Variants in RABGAP1L observed in about 807,000 individuals in gnomAD.
RABGAP1L encodes the protein rab GTPase-activating protein 1-like.
In RABGAP1L, 63 loss-of-function variants were observed where a neutral mutation model predicts 137.7. The observed-to-expected ratio is 0.46, with a 90% CI of 0.37 to 0.56. RABGAP1L has a LOEUF of 0.56. Ranked by LOEUF, RABGAP1L falls within the 20% of genes least tolerant of loss-of-function variation. The pLI is 0.00. For missense variants in RABGAP1L, 1,095 were observed against 1,244.0 expected (o/e 0.88, Z 1.80); for synonymous variants, 431 against 433.7 (o/e 0.99, Z 0.08).
intron 12 of RABGAP1L, among the ~76,000 whole-genome samples, chr1:174,384,898 CTT>C (rs1450473407): frequency 6.6e-6 from 1 of 152,024 alleles, no homozygotes; most frequent in Admixed American, 6.5e-5. Context: ...ATTATCTTGT[CTT>C]ATATAGTGTT....
chr1:174,200,463 C>T (rs1668017309), intron 1 of RABGAP1L, among the ~76,000 whole-genome samples: 1 of 152,152 alleles, frequency 6.6e-6, no homozygotes, highest in African/African-American at 2.4e-5. Context: ...AGAGGGATGG[C>T]TCCTAGAAAA....
chr1:174,881,197 A>G (rs1397552113), intron 19 of RABGAP1L, among the ~76,000 whole-genome samples: 4 of 152,180 alleles, frequency 2.6e-5, no homozygotes, highest in African/African-American at 9.7e-5. Flanking sequence ...ATTATGGCTC[A>G]ATGCAACCCT....
rs1282387677 is a variant in RABGAP1L, at chr1:174,304,973, A to G, written c.1324-13A>G. 3.3e-6 allele frequency: 5 copies of G among 1,525,502 alleles called. No homozygotes were observed. In the African/African-American group the frequency reaches 7.2e-5, roughly 22 times the overall value. 94.5% of individuals were successfully genotyped at this position (1,525,502 alleles called of 1,614,324 possible). A position where few individuals can be genotyped will look rare whatever the true frequency, so the allele number is the denominator to read the frequency against. On this transcript the variant is annotated splice_polypyrimidine_tract_variant and intron_variant, in intron 10 of 25. Transcript: ENST00000681986. ...ATTTCTAATACTTAAATATACTGTT[A>G]TATTTTTCTCAGTCTGAGGGAAAAG...
chr1:174,202,616 A>T (rs1452671675), intron 1 of RABGAP1L, among the ~76,000 whole-genome samples: 1 of 152,056 alleles, frequency 6.6e-6, no homozygotes, highest in Non-Finnish European at 1.5e-5. Context: ...GTTCACTCTG[A>T]TGGTAGTTTC....
At chr1:174,794,685 G>A (rs1023376410) in intron 18 of RABGAP1L, among the ~76,000 whole-genome samples, 1 of 152,118 alleles carries the variant, frequency 6.6e-6, no homozygotes, top group African/African-American at 2.4e-5. Context: ...GCCCATCCCA[G>A]TAGTATAAAC....
chr1:174,445,826 G>A (rs549856694), intron 13 of RABGAP1L, among the ~76,000 whole-genome samples: 7 of 152,154 alleles, frequency 4.6e-5, no homozygotes, highest in Non-Finnish European at 7.4e-5. Context: ...TTGTCCATAC[G>A]AAATAATCTT....
chr1:174,384,915 G>C (rs973977595), intron 12 of RABGAP1L, among the ~76,000 whole-genome samples: 1 of 152,100 alleles, frequency 6.6e-6, no homozygotes, highest in Non-Finnish European at 1.5e-5. Context: ...AGTGTTTTAA[G>C]AAATCTAAGT....
chr1:174,889,580 C>G (rs929297731), intron 19 of RABGAP1L, among the ~76,000 whole-genome samples: 1 of 152,006 alleles, frequency 6.6e-6, no homozygotes, highest in Non-Finnish European at 1.5e-5. Flanking sequence ...GTCACCATAC[C>G]TGGCTAATTT....
At chr1:174,387,438 G>A (rs954868767) in intron 12 of RABGAP1L, among the ~76,000 whole-genome samples, 2 of 152,074 alleles carry the variant, frequency 1.3e-5, no homozygotes, top group African/African-American at 4.8e-5. Flanking sequence ...ATTTTTGAAT[G>A]TACACAGAAA....
intron 1 of RABGAP1L, among the ~76,000 whole-genome samples, chr1:174,216,138 G>A (rs1400037095): frequency 2.0e-5 from 3 of 152,162 alleles, no homozygotes; most frequent in Admixed American, 6.5e-5. Context: ...ATTACCAGAA[G>A]CTGAAAAGGG....
intron 1 of RABGAP1L, among the ~76,000 whole-genome samples, chr1:174,201,389 A>G (rs900761109): frequency 1.3e-5 from 2 of 151,338 alleles, no homozygotes; most frequent in Non-Finnish European, 2.9e-5. Flanking sequence ...GTAGAGATGG[A>G]GTTTCACCAT....
intron 19 of RABGAP1L, among the ~76,000 whole-genome samples, chr1:174,871,186 CAG>C (rs1408311748): frequency 1.3e-5 from 2 of 151,022 alleles, no homozygotes; most frequent in Non-Finnish European, 3.0e-5. Flanking sequence ...TGTTTTGAAA[CAG>C]AGTCTTGCTG....
chr1:174,806,582 T>G (rs1689321010), intron 18 of RABGAP1L, among the ~76,000 whole-genome samples: 1 of 152,218 alleles, frequency 6.6e-6, no homozygotes, highest in South Asian at 2.1e-4. Flanking sequence ...CACTTCAGAC[T>G]GGATGACAGA....
intron 19 of RABGAP1L, among the ~76,000 whole-genome samples, chr1:174,844,172 G>T (rs2148957974): frequency 7.2e-6 from 1 of 139,796 alleles, no homozygotes; most frequent in African/African-American, 2.7e-5. Flanking sequence ...CATGTTGTAG[G>T]TTGCCTGTTC....
intron 17 of RABGAP1L, among the ~76,000 whole-genome samples, chr1:174,712,389 A>C (rs1197805689): frequency 6.6e-6 from 1 of 152,138 alleles, no homozygotes; most frequent in African/African-American, 2.4e-5. Flanking sequence ...CCACGAACCC[A>C]CTGGGAGGGA....
At chr1:174,482,631 A>G (rs1227377313) in intron 13 of RABGAP1L, among the ~76,000 whole-genome samples, 2 of 152,130 alleles carry the variant, frequency 1.3e-5, no homozygotes, top group Non-Finnish European at 2.9e-5. Flanking sequence ...GGGAATTACA[A>G]GTGTGCCACG....
chr1:174,598,718 G>C (rs542646292), intron 13 of RABGAP1L, among the ~76,000 whole-genome samples: 24 of 151,878 alleles, frequency 1.6e-4, no homozygotes, highest in African/African-American at 4.8e-4. Context: ...TATAAGTGTA[G>C]CTACTCCTTT....
At chr1:174,966,799 A>G (rs567932446) in intron 20 of RABGAP1L, among the ~76,000 whole-genome samples, 8 of 152,282 alleles carry the variant, frequency 5.3e-5, no homozygotes, top group African/African-American at 1.9e-4. Flanking sequence ...GAGGGGTTAC[A>G]TTATATCTTG....
intron 19 of RABGAP1L, among the ~76,000 whole-genome samples, chr1:174,907,261 G>GT (rs1485243039): frequency 2.6e-5 from 4 of 151,996 alleles, no homozygotes; most frequent in Non-Finnish European, 5.9e-5. Context: ...ATTTTGTCAT[G>GT]TTTTTTTATT....
Sources: allele counts gnomAD v4.1 joint callset (sites outside exome capture counted in the v4.1 genomes callset), GRCh38; gene constraint gnomAD v4.1.1; transcripts MANE v1.5; gene names NCBI Gene and HGNC (gene_info 2026-07-23, HGNC 2026-07-21).